Variants in WDR70 observed in about 807,000 individuals in gnomAD.
The protein encoded by WDR70 is WD repeat-containing protein 70.
WDR70 carries 53 observed loss-of-function variants against 88.6 expected under a neutral mutation model. The observed-to-expected ratio is 0.60, with a 90% CI of 0.48 to 0.75. The LOEUF (loss-of-function observed/expected upper bound fraction) is 0.75. Ranked by LOEUF, WDR70 falls within the 30% of genes least tolerant of loss-of-function variation. The pLI, the probability that WDR70 is intolerant of heterozygous loss-of-function variation, is 0.00. For synonymous variants in WDR70, 280 were observed against 270.0 expected (o/e 1.04, Z -0.36); for missense variants, 610 against 823.2 (o/e 0.74, Z 3.17).
intron 7 of WDR70, among the ~76,000 whole-genome samples, chr5:37,444,314 G>A (rs1248446376): frequency 1.4e-5 from 2 of 146,548 alleles, no homozygotes; most frequent in African/African-American, 5.0e-5. Context: ...CTTCCATGTT[G>A]CTACAATGAG....
chr5:37,488,689 A>C (rs1490188771), intron 8 of WDR70, among the ~76,000 whole-genome samples: 1 of 151,740 alleles, frequency 6.6e-6, no homozygotes, highest in African/African-American at 2.4e-5. Context: ...TTCATATCCC[A>C]AATTGTTTTT....
intron 7 of WDR70, among the ~76,000 whole-genome samples, chr5:37,444,979 C>T (rs7735454): frequency 0.86 from 131,329 of 152,068 alleles, 59,921 homozygotes; most frequent in East Asian, 1. Context: ...CAGGTGGTAA[C>T]GCTTGCTCAC....
intron 9 of WDR70, among the ~76,000 whole-genome samples, chr5:37,560,544 C>T (rs1270585081): frequency 1.3e-5 from 2 of 152,132 alleles, no homozygotes; most frequent in Non-Finnish European, 2.9e-5. Context: ...ATACACTTTG[C>T]TGACCAAACA....
At chr5:37,515,966 G>A (rs1410276664) in intron 8 of WDR70, among the ~76,000 whole-genome samples, 3 of 152,128 alleles carry the variant, frequency 2.0e-5, no homozygotes, top group Admixed American at 6.6e-5. Context: ...ATACTTAATG[G>A]AGCTAATTTT....
Position 37,643,162 on chromosome 5 carries a change from T to C in WDR70, c.1092+37924T>C, listed in dbSNP as rs1312882141. ...TTTAATTTTTTATTTGGTTGTTGTATATGCGGAGAGATGGGGTCTAGTTTC... is the reference window on the plus strand; with the variant it reads ...TTTAATTTTTTATTTGGTTGTTGTACATGCGGAGAGATGGGGTCTAGTTTC... On this transcript the variant is annotated intron_variant, in intron 10 of 17. Coordinates refer to ENST00000265107, the MANE Select transcript of WDR70 (RefSeq NM_018034.4). Among the ~76,000 whole-genome samples, 5 of 152,110 alleles carry C rather than the reference T, an allele frequency of 3.3e-5. No individual in the cohort carries two copies. In the East Asian group the frequency reaches 9.6e-4, roughly 29 times the overall value.
intron 10 of WDR70, among the ~76,000 whole-genome samples, chr5:37,639,666 G>A (rs1408186306): frequency 6.6e-6 from 1 of 152,084 alleles, no homozygotes; most frequent in African/African-American, 2.4e-5. Flanking sequence ...TGAGGGCAAT[G>A]ACTCTTTTGG....
chr5:37,693,686 A>C (rs1171645935), intron 10 of WDR70, among the ~76,000 whole-genome samples: 5 of 152,192 alleles, frequency 3.3e-5, no homozygotes, highest in Non-Finnish European at 7.4e-5. Context: ...CCTTCCTTAC[A>C]CCTTATACAA....
chr5:37,724,716 A>T, intron 15 of WDR70: 1 of 502,462 alleles, frequency 2.0e-6, no homozygotes, highest in Non-Finnish European at 3.5e-6. Flanking sequence ...AATATTTGAC[A>T]GTATTTCCTG....
At chr5:37,717,809 G>A (rs1026230462) in intron 13 of WDR70, among the ~76,000 whole-genome samples, 8 of 152,148 alleles carry the variant, frequency 5.3e-5, no homozygotes, top group Non-Finnish European at 8.8e-5. Flanking sequence ...ATGTGGAGCC[G>A]CATTAGCTGC....
At position 37,516,725 on chromosome 5, in the gene WDR70, ATTT is replaced by A. The variant is rs71904509; in HGVS notation, c.917+147_917+149del. ...TCTTATTATATACATATATATATAT[ATTT>A]TTTTTTTTTTTAAGGGGGAGTCTTG... On this transcript the variant is annotated intron_variant, in intron 9 of 17. Coordinates refer to ENST00000265107, the MANE Select transcript of WDR70 (RefSeq NM_018034.4). 5.5e-3 allele frequency: 707 copies of A among 128,050 alleles called. 7 individuals are homozygous for A. Among genetic ancestry groups the A allele is most frequent in the South Asian group, 0.018 (68 of 3,732 alleles). The allele number at this position is 128,050 out of a possible 1,614,324, so 7.9% of individuals were successfully genotyped here. A position where few individuals can be genotyped will look rare whatever the true frequency, so the allele number is the denominator to read the frequency against.
At position 37,434,477 on chromosome 5, in the gene WDR70, A is replaced by C. The variant is rs145168119; in HGVS notation, c.493-3445A>C. Reference sequence around the variant, plus strand: ...CTGCGAGAAAATAGCGCTCATTTTCAAGCTTCTTTTTGGCAGTCCTTACTG... The same window carrying C: ...CTGCGAGAAAATAGCGCTCATTTTCCAGCTTCTTTTTGGCAGTCCTTACTG... On this transcript the variant is annotated intron_variant, in intron 5 of 17. Transcript: ENST00000265107. 2.0e-3 allele frequency among the ~76,000 whole-genome samples: 309 copies of C among 152,246 alleles called. 1 individual carries two copies. The highest frequency in any genetic ancestry group is 7.1e-3 in the African/African-American group (297 of 41,554).
chr5:37,708,841 T>A (rs925630870), intron 13 of WDR70, among the ~76,000 whole-genome samples: 2 of 152,188 alleles, frequency 1.3e-5, no homozygotes, highest in Admixed American at 6.5e-5. Flanking sequence ...ATATAGCCGA[T>A]CTGGGAATTC....
At chr5:37,491,375 C>T (rs1459581118) in intron 8 of WDR70, among the ~76,000 whole-genome samples, 1 of 152,166 alleles carries the variant, frequency 6.6e-6, no homozygotes, top group Non-Finnish European at 1.5e-5. Context: ...TTGAAGTCCC[C>T]CATAAGCTTT....
At chr5:37,394,740 C>T (rs930271034) in intron 4 of WDR70, among the ~76,000 whole-genome samples, 19 of 152,098 alleles carry the variant, frequency 1.2e-4, no homozygotes, top group Middle Eastern at 3.4e-3. Context: ...GTAAGTCAGC[C>T]GACAGAACTA....
At chr5:37,577,026 G>T (rs1743080514) in intron 9 of WDR70, among the ~76,000 whole-genome samples, 1 of 152,000 alleles carries the variant, frequency 6.6e-6, no homozygotes, top group South Asian at 2.1e-4. Context: ...TTCAAAATGG[G>T]ATTCATCAGA....
chr5:37,556,970 A>G (rs1388222535), intron 9 of WDR70, among the ~76,000 whole-genome samples: 1 of 152,202 alleles, frequency 6.6e-6, no homozygotes, highest in Non-Finnish European at 1.5e-5. Flanking sequence ...AATTAGTATT[A>G]AGGAGTAATA....
At chr5:37,558,989 G>A (rs1046986423) in intron 9 of WDR70, among the ~76,000 whole-genome samples, 1 of 151,220 alleles carries the variant, frequency 6.6e-6, no homozygotes, top group African/African-American at 2.4e-5. Context: ...TGGAGAGTGT[G>A]GTGGTGTGCT....
intron 9 of WDR70, among the ~76,000 whole-genome samples, chr5:37,564,538 GGTGGGGAGAGGGAGACC>G (rs1221612918): frequency 1.6e-5 from 2 of 125,306 alleles, no homozygotes; most frequent in Admixed American, 8.6e-5. Context: ...AGAGGGAGAC[GGTGGGGAGAGGGAGACC>G]GTGGGGAGAG....
At chr5:37,419,869 A>G (rs1420473227) in intron 5 of WDR70, among the ~76,000 whole-genome samples, 1 of 152,038 alleles carries the variant, frequency 6.6e-6, no homozygotes, top group African/African-American at 2.4e-5. Context: ...CTCTCAGTTT[A>G]CTATTTATTA....
Sources: gnomAD v4.1 joint callset for allele counts (sites outside exome capture counted in the v4.1 genomes callset) on GRCh38, gnomAD v4.1.1 for gene constraint, MANE v1.5 for transcripts, NCBI Gene and HGNC (gene_info 2026-07-23, HGNC 2026-07-21) for gene names.